DLL3: variants seen among roughly 807,000 people sequenced by gnomAD.
DLL3 encodes delta like canonical Notch ligand 3.
In DLL3, 49 loss-of-function variants were observed where a neutral mutation model predicts 55.0. That is an observed-to-expected ratio of 0.89 (90% CI 0.71 to 1.13). The LOEUF (loss-of-function observed/expected upper bound fraction) is 1.13. Ranked by LOEUF, DLL3 falls within the 50% of genes most tolerant of loss-of-function variation. DLL3 has a pLI of 0.00. For missense variants in DLL3, 962 were observed against 875.5 expected (o/e 1.10, Z -1.25); for synonymous variants, 421 against 385.2 (o/e 1.09, Z -1.09).
chr19:39,508,239 A>G lies in DLL3; in HGVS notation c.1759-13A>G. 6.2e-7 allele frequency: 1 copy of G among 1,613,514 alleles called. No homozygotes were observed. The highest frequency in any genetic ancestry group is 8.5e-7 in the Non-Finnish European group (1 of 1,179,944). On this transcript the variant is annotated splice_polypyrimidine_tract_variant and intron_variant, in intron 8 of 8. Transcript: ENST00000356433. ...GCAGCCTCTCTAATGCTTCCTACTC[A>G]TTTTGTTTCTAGGCCTGACGCGTCT...
Position 39,503,068 on chromosome 19 carries a change from C to T in DLL3, c.652+11C>T. 1 of 1,522,378 alleles carries T rather than the reference C, an allele frequency of 6.6e-7. No homozygotes were observed. Among genetic ancestry groups the T allele is most frequent in the Non-Finnish European group, 8.8e-7 (1 of 1,141,736 alleles). The allele number at this position is 1,522,378 out of a possible 1,614,324, so 94.3% of individuals were successfully genotyped here. On this transcript the variant is annotated intron_variant, in intron 4 of 8. Transcript: ENST00000356433. ...AATGTGAGGCGCCGCGTGAGTCCTG[C>T]GTTCGACCCCACCCCGTCCCAGCCG...
intron 8 of DLL3, 71 bp downstream of exon 8, chr19:39,507,985 A>G (rs1600759003): frequency 6.2e-7 from 1 of 1,613,294 alleles, no homozygotes; most frequent in Non-Finnish European, 8.5e-7. Flanking sequence ...CTTTTTCCCT[A>G]CCCTTCCTCG....
rs986488775 is a variant in DLL3 at position 39,502,843 on chromosome 19, G to C, written c.438G>C (p.Val146=). ...GGPAWSLLAR[V]AGRRRLAAGG... Reference sequence around the variant, plus strand: ...CCGCCTGGAGCCTGCTGGCGCGCGTGGCTGGCAGGCGGCGCTTGGCAGCCG... The same window carrying C: ...CCGCCTGGAGCCTGCTGGCGCGCGTCGCTGGCAGGCGGCGCTTGGCAGCCG... The change falls in exon 4 of 9, where the codon GTG becomes GTC. Residue 146 remains valine, a synonymous_variant. Transcript: ENST00000356433. The C allele has an allele frequency of 2.2e-5, 31 of 1,419,430 alleles. No homozygotes were observed. The highest frequency in any genetic ancestry group is 1.4e-4 in the Admixed American group (5 of 34,534). The allele number at this position is 1,419,430 out of a possible 1,614,324, so 87.9% of individuals were successfully genotyped here. A position where few individuals can be genotyped will look rare whatever the true frequency, so the allele number is the denominator to read the frequency against.
At chr19:39,506,982 C>G in intron 6 of DLL3, 57 bp from the exon 7 acceptor site, 1 of 1,509,434 alleles carries the variant, frequency 6.6e-7, no homozygotes, top group Non-Finnish European at 8.9e-7. Context: ...GGAAACAGCG[C>G]GGGCAGGTGG....
intron 4 of DLL3, 41 bp from the exon 5 acceptor site, chr19:39,504,030 C>T (rs202168832): frequency 9.4e-6 from 15 of 1,599,534 alleles, no homozygotes; most frequent in Middle Eastern, 1.7e-4. Context: ...CCCTCCCCGA[C>T]GTTGGTGTTC....
chr19:39,508,110 ATCTTC>A, intron 8 of DLL3, 137 bp from the exon 9 acceptor site: 1 of 1,611,666 alleles, frequency 6.2e-7, no homozygotes, highest in Non-Finnish European at 8.5e-7. Flanking sequence ...GCTACCTGCC[ATCTTC>A]TCTTTGAAAA....
chr19:39,500,217 C>T (rs536889801), intron 2 of DLL3, among the ~76,000 whole-genome samples: 16 of 150,838 alleles, frequency 1.1e-4, no homozygotes, highest in African/African-American at 3.2e-4. Flanking sequence ...CTCCTGAGCC[C>T]GGCAGTTTGA....
At position 39,506,211 on chromosome 19, in the gene DLL3, C is replaced by CAA. The variant is rs541216671; in HGVS notation, c.1093+789_1093+790dup. 2.3e-3 allele frequency among the ~76,000 whole-genome samples: 123 copies of CAA among 54,532 alleles called. 7 individuals carry two copies. The highest frequency in any genetic ancestry group is 5.6e-3 in the African/African-American group (75 of 13,346). 35.8% of individuals were successfully genotyped at this position (54,532 alleles called of 152,430 possible). A position where few individuals can be genotyped will look rare whatever the true frequency, so the allele number is the denominator to read the frequency against. On this transcript the variant is annotated intron_variant, in intron 6 of 8. Transcript: ENST00000356433. Reference sequence around the variant, plus strand: ...TGGGCGACAGAGTGACACTCTGTCTCAAAAAAAAAAAAAAAAAAAAAAAAA... The same window carrying CAA: ...TGGGCGACAGAGTGACACTCTGTCTCAAAAAAAAAAAAAAAAAAAAAAAAAAA...
At chr19:39,506,722 G>A (rs1430213262) in intron 6 of DLL3, among the ~76,000 whole-genome samples, 2 of 152,050 alleles carry the variant, frequency 1.3e-5, no homozygotes, top group Non-Finnish European at 2.9e-5. Context: ...GGGAAGAGAG[G>A]AGGGGTATTC....
chr19:39,500,421 C>A lies in DLL3; in HGVS notation c.352-194C>A, dbSNP rs1391532004. On this transcript the variant is annotated intron_variant, in intron 2 of 8. Coordinates refer to ENST00000356433, the MANE Select transcript of DLL3 (RefSeq NM_203486.3). ...AGCCTGGTTGACAAAGTGAGATTCT[C>A]CCCCCCCCCCCAAAAAAAAGCCACA... is the stretch of plus-strand genomic sequence containing the variant. Among the ~76,000 whole-genome samples, 4 of 44,620 alleles carry A rather than the reference C, an allele frequency of 9.0e-5. No individual in the cohort carries two copies. In the East Asian group the frequency reaches 3.4e-3, roughly 38 times the overall value. 29.3% of individuals were successfully genotyped at this position (44,620 alleles called of 152,430 possible).
intron 8 of DLL3, 32 bp downstream of exon 8, chr19:39,507,946 CTG>C: frequency 6.2e-7 from 1 of 1,613,928 alleles, no homozygotes; most frequent in East Asian, 2.2e-5. Context: ...CCGCTACACA[CTG>C]GGCGCGCTGG....
rs777747942 is a variant in DLL3, at chr19:39,508,260, C to T, written c.*3C>T. 5 of 1,613,858 alleles carry T rather than the reference C, an allele frequency of 3.1e-6. No homozygotes were observed. The South Asian group carries it at 4.4e-5, about 14-fold the overall frequency. On this transcript the variant is annotated 3_prime_UTR_variant, in exon 9 of 9. Transcript: ENST00000356433. ...ACTCATTTTGTTTCTAGGCCTGACG[C>T]GTCTCCTCCATCCGCACCTGGAGTC...
chr19:39,499,902 T>C (rs1600752223), intron 2 of DLL3, among the ~76,000 whole-genome samples: 1 of 151,582 alleles, frequency 6.6e-6, no homozygotes. Context: ...GGTCCTGTAT[T>C]AATTACTCTT....
At chr19:39,501,717 G>A (rs144221788) in intron 3 of DLL3, among the ~76,000 whole-genome samples, 64 of 152,220 alleles carry the variant, frequency 4.2e-4, no homozygotes, top group African/African-American at 1.2e-3. Flanking sequence ...CAGGTAATGT[G>A]GTAACTTATG....
chr19:39,502,415 A>T (rs1337421986), intron 3 of DLL3, among the ~76,000 whole-genome samples: 1 of 149,368 alleles, frequency 6.7e-6, no homozygotes, highest in African/African-American at 2.5e-5. Flanking sequence ...GGTGCGTGCC[A>T]CCACGCCTGG....
At chr19:39,499,537 C>G in intron 2 of DLL3, 64 bp downstream of exon 2, 1 of 1,535,044 alleles carries the variant, frequency 6.5e-7, no homozygotes, top group East Asian at 2.4e-5. Context: ...AAACCTCCAC[C>G]TCCTCTCCCC....
chr19:39,499,559 A>G (rs773110006), intron 2 of DLL3, 86 bp downstream of exon 2: 401 of 1,516,434 alleles, frequency 2.6e-4, no homozygotes, highest in Non-Finnish European at 3.5e-4. Flanking sequence ...CCAGCTTCCA[A>G]GACCCTAATC....
chr19:39,505,198 A>G (rs750118522), intron 5 of DLL3, 31 bp from the exon 6 acceptor site: 32 of 1,608,012 alleles, frequency 2.0e-5, no homozygotes, highest in Middle Eastern at 1.9e-4. Context: ...CCAAGGAAAC[A>G]CCCTTCTCAA....
intron 3 of DLL3, among the ~76,000 whole-genome samples, chr19:39,500,999 G>GTTTTTTTT (rs368983321): frequency 6.8e-6 from 1 of 147,888 alleles, no homozygotes. Flanking sequence ...TTTATGTGAA[G>GTTTTTTTT]TTTTTTTTTT....
Sources: allele counts gnomAD v4.1 joint callset (sites outside exome capture counted in the v4.1 genomes callset), GRCh38; gene constraint gnomAD v4.1.1; transcripts MANE v1.5; gene names NCBI Gene and HGNC (gene_info 2026-07-23, HGNC 2026-07-21).